PAXBP1: variants seen among roughly 807,000 people sequenced by gnomAD.
PAXBP1 encodes PAX3 and PAX7 binding protein 1.
Under a neutral mutation model 119.9 loss-of-function variants are expected in PAXBP1, and 44 were observed. The ratio of observed to expected loss-of-function variants is 0.37; its 90% CI spans 0.29 to 0.47. The LOEUF is 0.47. PAXBP1 is among the 20% of genes least tolerant of loss of function. The pLI, the probability that PAXBP1 is intolerant of heterozygous loss-of-function variation, is 0.99. For missense variants in PAXBP1, 898 were observed against 1,134.1 expected (o/e 0.79, Z 2.99); for synonymous variants, 393 against 406.6 (o/e 0.97, Z 0.40).
chr21:32,743,320 T>TA lies in PAXBP1; in HGVS notation c.2268-7dup, dbSNP rs762331368. The TA allele has an allele frequency of 7.0e-5, 108 of 1,532,062 alleles. No individual in the cohort carries two copies. The highest frequency in any genetic ancestry group is 1.9e-4 in the South Asian group (15 of 80,274). 94.9% of individuals were successfully genotyped at this position (1,532,062 alleles called of 1,614,324 possible). ...AATTTTTATTTTCTAAGACACTAAG[T>TA]AAAAAAAAGAGAAACATATCATGAT... On this transcript the variant is annotated splice_region_variant and splice_polypyrimidine_tract_variant and intron_variant, in intron 14 of 17. Coordinates refer to ENST00000331923, the MANE Select transcript of PAXBP1 (RefSeq NM_016631.4).
chr21:32,738,803 A>G (rs1235419071), intron 15 of PAXBP1, among the ~76,000 whole-genome samples: 1 of 152,120 alleles, frequency 6.6e-6, no homozygotes, highest in African/African-American at 2.4e-5. Flanking sequence ...ATATATAGAA[A>G]ATGAAAGCTA....
At chr21:32,770,455 A>T (rs1016814028) in intron 1 of PAXBP1, among the ~76,000 whole-genome samples, 2 of 152,338 alleles carry the variant, frequency 1.3e-5, no homozygotes, top group South Asian at 4.1e-4. Flanking sequence ...CAAAAACAAA[A>T]ATCTGTCTGT....
chr21:32,748,412 T>C (rs1375910601), intron 11 of PAXBP1, 87 bp downstream of exon 11: 1 of 1,294,726 alleles, frequency 7.7e-7, no homozygotes, highest in South Asian at 1.4e-5. Flanking sequence ...CAAAATATTT[T>C]GCTTAAGCTT....
chr21:32,760,919 G>A (rs926064486), intron 5 of PAXBP1, 140 bp downstream of exon 5: 15 of 638,890 alleles, frequency 2.3e-5, no homozygotes, highest in Admixed American at 1.3e-4. Flanking sequence ...GTGTGTGTGT[G>A]TGTGTGTGTG....
At chr21:32,737,227 T>G (rs1378531279) in intron 17 of PAXBP1, 27 bp downstream of exon 17, 1 of 1,481,276 alleles carries the variant, frequency 6.8e-7, no homozygotes, top group Admixed American at 2.3e-5. Context: ...CAACTCTAGA[T>G]TACCATTTCA....
At chr21:32,756,534 G>C in intron 7 of PAXBP1, 1 of 367,514 alleles carries the variant, frequency 2.7e-6, no homozygotes, top group Non-Finnish European at 5.2e-6. Context: ...GGGCAACAAT[G>C]TCCCCAAATC....
intron 17 of PAXBP1, among the ~76,000 whole-genome samples, chr21:32,735,741 GCTGATACT>G (rs1226674403): frequency 6.6e-6 from 1 of 152,226 alleles, no homozygotes; most frequent in Non-Finnish European, 1.5e-5. Context: ...CCCATGCCAT[GCTGATACT>G]GCTGGTCCAG....
chr21:32,745,922 T>C (rs545247528), intron 11 of PAXBP1, among the ~76,000 whole-genome samples: 13 of 152,166 alleles, frequency 8.5e-5, no homozygotes, highest in East Asian at 3.9e-4. Context: ...AACAGACACA[T>C]AGACCAATGG....
rs974243754 is a variant in PAXBP1 at position 32,771,512 on chromosome 21, C to A, written c.157G>T (p.Gly53Trp). The part of the protein sequence containing the change: ...GPGGGDRAPG[G>W]ESLLGPGPSP... ...GGCCCCGGGCCCAGCAGCGACTCCC[C>A]GCCAGGGGCCCTGTCGCCGCCACCG... The change falls in exon 1 of 18, where the codon GGG becomes TGG. Residue 53 changes from glycine to tryptophan, a missense_variant. By Grantham distance (184) the Gly-to-Trp change is radical. This residue lies in a region of PAXBP1 where 299 missense variants were observed against 281.4 expected (regional missense o/e 1.06). Coordinates refer to ENST00000331923, the MANE Select transcript of PAXBP1 (RefSeq NM_016631.4). The A allele has an allele frequency of 3.0e-6, 4 of 1,327,678 alleles. No individual in the cohort carries two copies. Among genetic ancestry groups the A allele is most frequent in the African/African-American group, 3.1e-5 (2 of 64,742 alleles). The allele number at this position is 1,327,678 out of a possible 1,614,324, so 82.2% of individuals were successfully genotyped here. A position where few individuals can be genotyped will look rare whatever the true frequency, so the allele number is the denominator to read the frequency against.
rs1343474922 is a variant in PAXBP1, at chr21:32,751,187, G to C, written c.1539C>G (p.Ser513=). The C allele has an allele frequency of 6.2e-7, 1 of 1,614,106 alleles. No homozygotes were observed. Among genetic ancestry groups the C allele is most frequent in the African/African-American group, 1.3e-5 (1 of 75,046 alleles). Residue 513 remains serine, a synonymous_variant, in exon 9 of 18, where the codon TCC becomes TCG. Transcript: ENST00000331923. ...NKALMAPNLD[S]FGRDRALYQE... ...GATACAGTGCCCGATCGCGTCCAAAGGAGTCAAGATTTGGTGCCATCAGAG... is the reference window on the plus strand; with the variant it reads ...GATACAGTGCCCGATCGCGTCCAAACGAGTCAAGATTTGGTGCCATCAGAG...
At position 32,771,725 on chromosome 21, in the gene PAXBP1, C is replaced by T; in HGVS notation, c.-57G>A. 7.6e-7 allele frequency: 1 copy of T among 1,320,416 alleles called. No individual in the cohort carries two copies. The highest frequency in any genetic ancestry group is 1.8e-5 in the South Asian group (1 of 54,960). The allele number at this position is 1,320,416 out of a possible 1,614,324, so 81.8% of individuals were successfully genotyped here. On this transcript the variant is annotated 5_prime_UTR_variant, in exon 1 of 18. Transcript: ENST00000331923. ...CTTCCACACCGCGGCCCCGGCAGCG[C>T]CGAGCTCGTGACGGCGCACGCGCGC...
intron 3 of PAXBP1, among the ~76,000 whole-genome samples, chr21:32,762,807 A>C (rs1487489656): frequency 6.6e-6 from 1 of 150,712 alleles, no homozygotes; most frequent in Non-Finnish European, 1.5e-5. Flanking sequence ...GCTACTTGGG[A>C]GGCTAAGGCA....
intron 8 of PAXBP1, among the ~76,000 whole-genome samples, chr21:32,754,414 G>C (rs532053463): frequency 2.0e-5 from 3 of 152,160 alleles, no homozygotes; most frequent in Admixed American, 2.0e-4. Flanking sequence ...ACAAAGAAAT[G>C]ACAAAAGAAA....
Position 32,748,598 on chromosome 21 carries a change from T to A in PAXBP1, c.1824A>T (p.Lys608Asn), listed in dbSNP as rs371129196. The A allele has an allele frequency of 1.2e-6, 2 of 1,613,994 alleles. No homozygotes were observed. The highest frequency in any genetic ancestry group is 4.5e-5 in the East Asian group (2 of 44,880). ...IKSQFEAWRS[K>N]YYTSYKDAYI... Reference sequence around the variant, plus strand: ...AAGCATCTTTGTAGGATGTGTAGTATTTTGAACGCCATGCTTCAAACTGTG... The same window carrying A: ...AAGCATCTTTGTAGGATGTGTAGTAATTTGAACGCCATGCTTCAAACTGTG... Residue 608 changes from lysine to asparagine, a missense_variant, in exon 11 of 18, where the codon AAA (lysine) becomes AAT (asparagine). By Grantham distance (94) the Lys-to-Asn change is moderately conservative. Coordinates refer to ENST00000331923, the MANE Select transcript of PAXBP1 (RefSeq NM_016631.4).
At chr21:32,742,081 G>T (rs1383679784) in intron 15 of PAXBP1, among the ~76,000 whole-genome samples, 2 of 152,166 alleles carry the variant, frequency 1.3e-5, no homozygotes, top group Admixed American at 6.5e-5. Flanking sequence ...GTGGCCAGGG[G>T]CTTGTGGTGA....
rs2043664226 is a variant in PAXBP1, at chr21:32,734,455, G to A, written c.*495C>T. On this transcript the variant is annotated 3_prime_UTR_variant, in exon 18 of 18. Transcript: ENST00000331923. Reference sequence around the variant, plus strand: ...GCAGCACAGCTACAGTGATAGCAACGCTAACCAAAAGGTAATGAACATTTA... The same window carrying A: ...GCAGCACAGCTACAGTGATAGCAACACTAACCAAAAGGTAATGAACATTTA... 1.2e-5 allele frequency: 2 copies of A among 162,480 alleles called. No homozygotes were observed. The highest frequency in any genetic ancestry group is 1.7e-4 in the South Asian group (1 of 5,844). The allele number at this position is 162,480 out of a possible 1,614,324, so 10.1% of individuals were successfully genotyped here.
rs1309655045 is a variant in PAXBP1 at position 32,751,075 on chromosome 21, T to A, written c.1608-43A>T. On this transcript the variant is annotated intron_variant, in intron 9 of 17. Transcript: ENST00000331923. ...AGTTCCCAAACTAGATAACAGAGAC[T>A]CCTCCCTTCCCAAACAAGCCAGAGC... The A allele has an allele frequency of 1.9e-6, 3 of 1,611,946 alleles. No homozygotes were observed. The South Asian group carries it at 3.3e-5, about 18-fold the overall frequency.
intron 3 of PAXBP1, among the ~76,000 whole-genome samples, chr21:32,763,040 T>C (rs1170522527): frequency 6.6e-6 from 1 of 152,190 alleles, no homozygotes; most frequent in Non-Finnish European, 1.5e-5. Flanking sequence ...AGATAGTTTT[T>C]AGTTTACCTG....
chr21:32,767,938 T>C (rs540420252), intron 2 of PAXBP1, among the ~76,000 whole-genome samples: 1 of 152,310 alleles, frequency 6.6e-6, no homozygotes, highest in East Asian at 1.9e-4. Context: ...CTGAGGAAAA[T>C]AAGGCAGTTT....
Sources: gnomAD v4.1 joint callset for allele counts (sites outside exome capture counted in the v4.1 genomes callset) on GRCh38, gnomAD v4.1.1 for gene constraint, gnomAD v4.1.1 regional missense constraint, MANE v1.5 for transcripts, NCBI Gene and HGNC (gene_info 2026-07-23, HGNC 2026-07-21) for gene names.